Variants in TAF2 observed in about 807,000 individuals in gnomAD.
TAF2 encodes TATA-box binding protein associated factor 2.
TAF2 carries 61 observed loss-of-function variants against 138.5 expected under a neutral mutation model. That is an observed-to-expected ratio of 0.44 (90% CI 0.36 to 0.54). The LOEUF (loss-of-function observed/expected upper bound fraction) is 0.54, where lower values mean the gene tolerates loss of function less well. Ranked by LOEUF, TAF2 falls within the 20% of genes least tolerant of loss-of-function variation. TAF2 has a pLI of 0.00. For missense variants in TAF2, 1,090 were observed against 1,427.9 expected (o/e 0.76, Z 3.81); for synonymous variants, 475 against 469.9 (o/e 1.01, Z -0.14).
In TAF2 at chr8:119,793,419, T is replaced by G; in HGVS notation, c.1224A>C (p.Lys408Asn). ...TGGGATGTAGTAAAACCCCACCAGT[T>G]TTTAGTTCATATGCCACTATTTTGT... ...ELDKIVAYELKTGGVLLHPIF... is the reference protein window; with the variant it reads ...ELDKIVAYELNTGGVLLHPIF... The change falls in exon 10 of 26, where the codon AAA (lysine) becomes AAC (asparagine). Residue 408 changes from lysine (K) to asparagine (N), a missense_variant. Coordinates refer to ENST00000378164, the MANE Select transcript of TAF2 (RefSeq NM_003184.4). 1 of 1,613,066 alleles carries G rather than the reference T, an allele frequency of 6.2e-7. No individual in the cohort carries two copies. The highest frequency in any genetic ancestry group is 8.5e-7 in the Non-Finnish European group (1 of 1,179,340).
At chr8:119,802,456 A>T (rs1824331143) in intron 5 of TAF2, among the ~76,000 whole-genome samples, 1 of 152,238 alleles carries the variant, frequency 6.6e-6, no homozygotes, top group Non-Finnish European at 1.5e-5. Context: ...TGGAGTATGT[A>T]ACGTATTGTA....
chr8:119,793,945 TTG>T (rs1439611053), intron 9 of TAF2, among the ~76,000 whole-genome samples: 1 of 151,974 alleles, frequency 6.6e-6, no homozygotes. Context: ...TTGTTTTGTT[TTG>T]AGACAGGGTT....
intron 23 of TAF2, among the ~76,000 whole-genome samples, chr8:119,745,379 G>A (rs1819887046): frequency 1.3e-5 from 2 of 152,002 alleles, no homozygotes; most frequent in South Asian, 4.1e-4. Context: ...AGATCTGAAA[G>A]AGCTCTTTAA....
At chr8:119,779,316 C>A (rs1479212553) in intron 17 of TAF2, among the ~76,000 whole-genome samples, 1 of 150,026 alleles carries the variant, frequency 6.7e-6, no homozygotes, top group Non-Finnish European at 1.5e-5. Context: ...AAAAGTGAAC[C>A]CCAAATGCCT....
intron 17 of TAF2, among the ~76,000 whole-genome samples, chr8:119,780,634 T>C (rs1214073243): frequency 6.6e-6 from 1 of 151,898 alleles, no homozygotes; most frequent in African/African-American, 2.4e-5. Context: ...TTTGGAAAAA[T>C]GTTTAAAAGT....
chr8:119,803,249 T>C (rs1341774566), intron 5 of TAF2, among the ~76,000 whole-genome samples: 3 of 152,254 alleles, frequency 2.0e-5, no homozygotes, highest in African/African-American at 2.4e-5. Context: ...GCTTGTTCAC[T>C]TGTGAAAATT....
At chr8:119,803,050 G>A (rs111384499) in intron 5 of TAF2, among the ~76,000 whole-genome samples, 348 of 152,170 alleles carry the variant, frequency 2.3e-3, no homozygotes, top group African/African-American at 8.1e-3. Flanking sequence ...GGTGGGGATT[G>A]CAGTGAGCCA....
At chr8:119,732,235 G>T in intron 25 of TAF2, 49 bp from the exon 26 acceptor site, 1 of 1,571,532 alleles carries the variant, frequency 6.4e-7, no homozygotes. Flanking sequence ...GATACGGAAA[G>T]CCAGACTAAA....
chr8:119,799,727 ACT>A (rs1824109239), intron 6 of TAF2, among the ~76,000 whole-genome samples: 1 of 152,160 alleles, frequency 6.6e-6, no homozygotes, highest in Non-Finnish European at 1.5e-5. Context: ...GAATTGCCAC[ACT>A]GTCTTCCACG....
intron 18 of TAF2, among the ~76,000 whole-genome samples, chr8:119,774,487 T>G (rs201114782): frequency 9.8e-6 from 1 of 101,560 alleles, no homozygotes; most frequent in Non-Finnish European, 2.0e-5. Context: ...GATTTTTTTT[T>G]GCAATTTTTT....
chr8:119,751,373 A>G (rs1586318504), intron 22 of TAF2, among the ~76,000 whole-genome samples: 1 of 152,174 alleles, frequency 6.6e-6, no homozygotes, highest in East Asian at 1.9e-4. Flanking sequence ...ATCTTTCCAG[A>G]TAATACTATT....
At chr8:119,821,564 A>G (rs927933670) in intron 2 of TAF2, among the ~76,000 whole-genome samples, 1 of 152,134 alleles carries the variant, frequency 6.6e-6, no homozygotes, top group Non-Finnish European at 1.5e-5. Context: ...TTTACTGTAC[A>G]CTACAAGGTT....
At chr8:119,777,668 CATT>C (rs777156407) in intron 18 of TAF2, among the ~76,000 whole-genome samples, 3 of 152,142 alleles carry the variant, frequency 2.0e-5, no homozygotes, top group Non-Finnish European at 4.4e-5. Flanking sequence ...TTCTAGGTAT[CATT>C]AGGTGAACAA....
intron 20 of TAF2, 30 bp from the exon 21 acceptor site, chr8:119,758,172 TA>T (rs1250660984): frequency 6.6e-7 from 1 of 1,516,606 alleles, no homozygotes; most frequent in East Asian, 2.3e-5. Context: ...TATTTGTTGT[TA>T]ATTATAACAA....
intron 25 of TAF2, among the ~76,000 whole-genome samples, chr8:119,732,970 C>CT (rs1195493122): frequency 6.7e-6 from 1 of 149,318 alleles, no homozygotes; most frequent in East Asian, 2.0e-4. Context: ...TATATGTGAA[C>CT]TTTTTTTTTT....
intron 3 of TAF2, among the ~76,000 whole-genome samples, chr8:119,810,531 T>C (rs1586507141): frequency 6.6e-6 from 1 of 152,328 alleles, no homozygotes; most frequent in East Asian, 1.9e-4. Flanking sequence ...TAGAGTCATA[T>C]GGTAAACACA....
At chr8:119,823,309 C>T (rs190702687) in intron 2 of TAF2, among the ~76,000 whole-genome samples, 143 of 152,288 alleles carry the variant, frequency 9.4e-4, no homozygotes, top group African/African-American at 3.1e-3. Flanking sequence ...AGTTACCTGA[C>T]ATGTTTGGGC....
intron 3 of TAF2, 104 bp downstream of exon 3, chr8:119,819,242 A>C: frequency 8.2e-7 from 1 of 1,220,238 alleles, no homozygotes; most frequent in East Asian, 2.3e-5. Flanking sequence ...TTCAAAGCCC[A>C]TTAACGATCC....
At chr8:119,820,766 AGAG>A (rs1473727047) in intron 2 of TAF2, among the ~76,000 whole-genome samples, 1 of 152,210 alleles carries the variant, frequency 6.6e-6, no homozygotes, top group East Asian at 1.9e-4. Flanking sequence ...TTCCCAAGTA[AGAG>A]GAGAGCCATA....
Sources: allele counts gnomAD v4.1 joint callset (sites outside exome capture counted in the v4.1 genomes callset), GRCh38; gene constraint gnomAD v4.1.1; transcripts MANE v1.5; gene names NCBI Gene and HGNC (gene_info 2026-07-23, HGNC 2026-07-21).